KCNAB2: variants seen among roughly 807,000 people sequenced by gnomAD.
KCNAB2 encodes the protein potassium voltage-gated channel subfamily A regulatory beta subunit 2, also known as voltage-gated potassium channel subunit beta-2.
In KCNAB2, 29 loss-of-function variants were observed where a neutral mutation model predicts 63.6. The observed-to-expected ratio is 0.46, with a 90% CI of 0.34 to 0.62. The LOEUF is 0.62. KCNAB2 is among the 20% of genes least tolerant of loss of function. The probability of loss-of-function intolerance (pLI) is 0.01; values close to 1 mark genes in which losing one functional copy is unlikely to be tolerated. For synonymous variants in KCNAB2, 222 were observed against 224.2 expected, an observed-to-expected ratio of 0.99 and a Z score of 0.09; for missense variants, 359 against 563.9, an observed-to-expected ratio of 0.64 and a Z score of 3.68.
intron 8 of KCNAB2, 130 bp downstream of exon 8, chr1:6,089,181 G>C: frequency 2.0e-6 from 2 of 997,674 alleles, no homozygotes; most frequent in Admixed American, 2.1e-5. Context: ...GGCACCCGGT[G>C]CTCTGGCCTG....
chr1:6,083,062 GGAGCGCACAGCCC>G (rs1434461551), intron 5 of KCNAB2, among the ~76,000 whole-genome samples: 1 of 152,172 alleles, frequency 6.6e-6, no homozygotes, highest in Non-Finnish European at 1.5e-5. Flanking sequence ...CAGAGCCTGG[GGAGCGCACAGCCC>G]TGGGGGCTGC....
Position 6,051,536 on chromosome 1 carries a change from C to T in KCNAB2, c.-1C>T, listed in dbSNP as rs1661381341. On this transcript the variant is annotated 5_prime_UTR_variant, in exon 2 of 16. Transcript: ENST00000378083. ...TGGCAGCTCCCAAGCCAGGCGGCAC[C>T]ATGCTGTCCATGACGTACAGCGAGA... is the stretch of plus-strand genomic sequence containing the variant. 1 of 1,517,124 alleles carries T rather than the reference C, an allele frequency of 6.6e-7. No individual in the cohort carries two copies. The highest frequency in any genetic ancestry group is 8.8e-7 in the Non-Finnish European group (1 of 1,132,974). 94.0% of individuals were successfully genotyped at this position (1,517,124 alleles called of 1,614,324 possible). A position where few individuals can be genotyped will look rare whatever the true frequency, so the allele number is the denominator to read the frequency against.
intron 1 of KCNAB2, among the ~76,000 whole-genome samples, chr1:6,021,380 CA>C (rs1658807969): frequency 6.6e-6 from 1 of 152,186 alleles, no homozygotes; most frequent in Non-Finnish European, 1.5e-5. Context: ...CTCCATGATG[CA>C]GAAGTTTCTT....
intron 4 of KCNAB2, among the ~76,000 whole-genome samples, chr1:6,079,405 G>A (rs901625199): frequency 5.9e-5 from 9 of 152,112 alleles, no homozygotes; most frequent in African/African-American, 2.2e-4. Context: ...CTGTAGTCCA[G>A]CTACTCAGGA....
chr1:6,040,946 G>A (rs907386443), upstream of KCNAB2, among the ~76,000 whole-genome samples: 14 of 152,352 alleles, frequency 9.2e-5, no homozygotes, highest in Middle Eastern at 3.4e-3. Context: ...TTAACAGAGC[G>A]GCCGGACAGT....
At chr1:6,009,298 G>A (rs1335102568) in intron 1 of KCNAB2, among the ~76,000 whole-genome samples, 1 of 152,248 alleles carries the variant, frequency 6.6e-6, no homozygotes, top group Non-Finnish European at 1.5e-5. Flanking sequence ...CCTGTGCAGA[G>A]TGTGGCCTCT....
At chr1:6,016,906 C>T (rs1044665098) in intron 1 of KCNAB2, among the ~76,000 whole-genome samples, 8 of 152,264 alleles carry the variant, frequency 5.3e-5, no homozygotes, top group Admixed American at 4.6e-4. Context: ...GTTATGAAAG[C>T]GGATTTGTGT....
At chr1:5,999,764 C>T (rs947871921) in intron 1 of KCNAB2, among the ~76,000 whole-genome samples, 2 of 152,086 alleles carry the variant, frequency 1.3e-5, no homozygotes, top group African/African-American at 4.8e-5. Context: ...CATACAGAGT[C>T]TGTCACCTGC....
chr1:6,032,678 C>T (rs1232165736), upstream of KCNAB2, among the ~76,000 whole-genome samples: 2 of 152,080 alleles, frequency 1.3e-5, no homozygotes, highest in Non-Finnish European at 2.9e-5. Flanking sequence ...AAGAGCTATG[C>T]CCTGGCAGAC....
At chr1:6,010,355 G>A (rs547219682) in intron 1 of KCNAB2, among the ~76,000 whole-genome samples, 3 of 152,296 alleles carry the variant, frequency 2.0e-5, no homozygotes, top group East Asian at 1.9e-4. Context: ...ATCTGCTTTC[G>A]AGGCTGAGGC....
intron 1 of KCNAB2, among the ~76,000 whole-genome samples, chr1:6,004,836 C>G (rs1168220614): frequency 6.6e-6 from 1 of 152,022 alleles, no homozygotes; most frequent in African/African-American, 2.4e-5. Flanking sequence ...CCGAGTCCCA[C>G]CTCCAGCCCC....
At chr1:6,005,557 C>A (rs909929447) in intron 1 of KCNAB2, among the ~76,000 whole-genome samples, 3 of 151,928 alleles carry the variant, frequency 2.0e-5, no homozygotes, top group African/African-American at 7.3e-5. Flanking sequence ...CCCTACCCCC[C>A]ATGAGTAGGA....
At chr1:6,008,449 C>T (rs573406823) in intron 1 of KCNAB2, among the ~76,000 whole-genome samples, 2 of 152,176 alleles carry the variant, frequency 1.3e-5, no homozygotes, top group African/African-American at 2.4e-5. Context: ...GGTGAAACCC[C>T]GTCTCTACTA....
chr1:6,041,377 G>C (rs568368122), upstream of KCNAB2: 1 of 184,892 alleles, frequency 5.4e-6, no homozygotes, highest in South Asian at 1.0e-4. Flanking sequence ...GTCTGTGACA[G>C]CCACAGGGAA....
intron 1 of KCNAB2, among the ~76,000 whole-genome samples, chr1:5,997,629 G>T (rs1415610191): frequency 6.6e-6 from 1 of 152,152 alleles, no homozygotes. Flanking sequence ...TGCAATCTCA[G>T]GCCCTGGTAT....
intron 7 of KCNAB2, 113 bp from the exon 8 acceptor site, chr1:6,088,895 C>CCA: frequency 1.0e-6 from 1 of 995,606 alleles, no homozygotes; most frequent in Non-Finnish European, 1.5e-6. Context: ...CGACTCCACA[C>CCA]GGCATTTGCT....
intron 1 of KCNAB2, among the ~76,000 whole-genome samples, chr1:6,000,965 G>A (rs890136087): frequency 1.3e-5 from 2 of 152,186 alleles, no homozygotes; most frequent in African/African-American, 4.8e-5. Flanking sequence ...CCAAAGCATT[G>A]ACAGCGTCCA....
Position 5,999,854 on chromosome 1 carries a change from G to A in KCNAB2, c.-53+7066G>A, listed in dbSNP as rs547955943. Among the ~76,000 whole-genome samples, 26 of 150,922 alleles carry A rather than the reference G, an allele frequency of 1.7e-4. 1 individual carries two copies. In the South Asian group the frequency reaches 2.9e-3, roughly 17 times the overall value. On this transcript the variant is annotated intron_variant, in intron 1 of 16. Coordinates refer to the KCNAB2 transcript ENST00000341524. ...TCTGTACCCCATGTGCGCCCCATCC[G>A]TACCCTGCCTGCGCCATCTGCGCCC...
Position 5,994,758 on chromosome 1 carries a change from C to G in KCNAB2, c.-53+1970C>G, listed in dbSNP as rs1434110385. Reference sequence around the variant, plus strand: ...GGACGTGGGCCATGGCGCTAGAGAGCTGGAAAGGCCGAGGGTGCCATGGGC... The same window carrying G: ...GGACGTGGGCCATGGCGCTAGAGAGGTGGAAAGGCCGAGGGTGCCATGGGC... On this transcript the variant is annotated intron_variant, in intron 1 of 16. Transcript: ENST00000341524. The surrounding 1 kb of genome is among the most constrained non-coding windows in gnomAD (Gnocchi z 5.4). Among the ~76,000 whole-genome samples, 2 of 152,178 alleles carry G rather than the reference C, an allele frequency of 1.3e-5. No individual in the cohort carries two copies. The highest frequency in any genetic ancestry group is 2.9e-5 in the Non-Finnish European group (2 of 68,034).
Sources: gnomAD v4.1 joint callset for allele counts (sites outside exome capture counted in the v4.1 genomes callset) on GRCh38, gnomAD v4.1.1 for gene constraint, Gnocchi (gnomAD v3.1) non-coding constraint, MANE v1.5 for transcripts, NCBI Gene and HGNC (gene_info 2026-07-23, HGNC 2026-07-21) for gene names.